Variants in MAGI2 observed in about 807,000 individuals in gnomAD.
MAGI2 encodes the protein membrane associated guanylate kinase, WW and PDZ domain containing 2.
MAGI2 carries 35 observed loss-of-function variants against 133.3 expected under a neutral mutation model. The ratio of observed to expected loss-of-function variants is 0.26; its 90% CI spans 0.20 to 0.35. The LOEUF is 0.35. Among genes scored for constraint, MAGI2 ranks in the 10% least tolerant of loss-of-function variants. The probability of loss-of-function intolerance (pLI) is 1.00; values close to 1 mark genes in which losing one functional copy is unlikely to be tolerated. For synonymous variants in MAGI2, 729 were observed against 710.6 expected, an observed-to-expected ratio of 1.03 and a Z score of -0.41; for missense variants, 1,636 against 1,863.4, an observed-to-expected ratio of 0.88 and a Z score of 2.25.
chr7:78,218,114 GT>G (rs1207623744), intron 10 of MAGI2, among the ~76,000 whole-genome samples: 2 of 152,240 alleles, frequency 1.3e-5, no homozygotes, highest in Non-Finnish European at 2.9e-5. Flanking sequence ...CAACTCTGAA[GT>G]TTTCAAGAAT....
rs12671854 is a variant in MAGI2, at chr7:78,209,029, G to C, written c.2048-7836C>G. ...CGAGGTCAGGAGATCGAGACCATCT[G>C]GGCTAACACGGTGAAACCCTGTCTC... On this transcript the variant is annotated intron_variant, in intron 10 of 21. Transcript: ENST00000354212. 4.7e-5 allele frequency among the ~76,000 whole-genome samples: 7 copies of C among 147,488 alleles called. No homozygotes were observed. The East Asian group carries it at 1.4e-3, about 31-fold the overall frequency.
chr7:78,231,598 T>C (rs932278683), intron 10 of MAGI2, among the ~76,000 whole-genome samples: 4 of 152,234 alleles, frequency 2.6e-5, no homozygotes, highest in Non-Finnish European at 5.9e-5. Context: ...TGGACAAATA[T>C]GGCGACTTCT....
At chr7:79,134,387 C>T (rs1039305611) in intron 1 of MAGI2, among the ~76,000 whole-genome samples, 1 of 152,140 alleles carries the variant, frequency 6.6e-6, no homozygotes, top group Non-Finnish European at 1.5e-5. Context: ...GTTTTTTACT[C>T]CTAAATCTTC....
intron 1 of MAGI2, chr7:79,452,795 A>G: frequency 1.8e-6 from 1 of 559,024 alleles, no homozygotes; most frequent in Admixed American, 3.4e-5. Context: ...GGAGGGTCTA[A>G]CTGAGCAAAC....
rs201366066 is a variant in MAGI2, at chr7:78,863,756, CT to C, written c.418+143333del. ...TTGAGCTGATAAAGGCCAGAGAGTCCTTTTGTGTAAAGCATTCCACTAAGTC... is the reference window on the plus strand; with the variant it reads ...TTGAGCTGATAAAGGCCAGAGAGTCCTTTGTGTAAAGCATTCCACTAAGTC... On this transcript the variant is annotated intron_variant, in intron 2 of 21. Coordinates refer to ENST00000354212, the MANE Select transcript of MAGI2 (RefSeq NM_012301.4). Among the ~76,000 whole-genome samples, 14 of 152,306 alleles carry C rather than the reference CT, an allele frequency of 9.2e-5. No homozygotes were observed. In the East Asian group the frequency reaches 2.7e-3, roughly 29 times the overall value.
chr7:78,343,985 A>T, intron 8 of MAGI2, 25 bp from the exon 9 acceptor site: 1 of 1,594,640 alleles, frequency 6.3e-7, no homozygotes, highest in Non-Finnish European at 8.5e-7. Flanking sequence ...ATAAGTTAAA[A>T]AAGAAAAAGG....
chr7:78,844,776 G>A (rs1378801673), intron 2 of MAGI2, among the ~76,000 whole-genome samples: 1 of 151,644 alleles, frequency 6.6e-6, no homozygotes, highest in African/African-American at 2.4e-5. Flanking sequence ...CCACTGAATT[G>A]CACACTTTTA....
chr7:79,430,150 C>A (rs1003978529), intron 1 of MAGI2, among the ~76,000 whole-genome samples: 8 of 151,936 alleles, frequency 5.3e-5, no homozygotes, highest in African/African-American at 1.9e-4. Flanking sequence ...TAGGAAATAT[C>A]CAGATTTTAT....
chr7:78,279,375 T>C (rs1375260681), intron 9 of MAGI2, among the ~76,000 whole-genome samples: 4 of 152,148 alleles, frequency 2.6e-5, no homozygotes, highest in Non-Finnish European at 5.9e-5. Context: ...TGTAGGTAAG[T>C]TGTGACACAC....
chr7:79,374,882 T>C (rs1187615480), intron 1 of MAGI2, among the ~76,000 whole-genome samples: 1 of 151,936 alleles, frequency 6.6e-6, no homozygotes, highest in Non-Finnish European at 1.5e-5. Context: ...TCTGCCTTTC[T>C]GGTACTCATG....
At chr7:78,499,719 G>C (rs73374294) in intron 5 of MAGI2, among the ~76,000 whole-genome samples, 4,180 of 152,266 alleles carry the variant, frequency 0.027, 139 homozygotes, top group African/African-American at 0.076. Context: ...TTGTCATGCT[G>C]CTTTCCTTTT....
chr7:79,110,269 C>T (rs1438941711), intron 1 of MAGI2, among the ~76,000 whole-genome samples: 1 of 152,110 alleles, frequency 6.6e-6, no homozygotes, highest in African/African-American at 2.4e-5. Context: ...CACACAGAGT[C>T]CCCACTGGTG....
chr7:78,159,245 A>G (rs576573789), intron 16 of MAGI2, among the ~76,000 whole-genome samples: 22 of 152,326 alleles, frequency 1.4e-4, no homozygotes, highest in South Asian at 1.2e-3. Context: ...ATGTGAAGCC[A>G]TTGGGCAGTT....
At chr7:78,280,853 CAAAAAAAAAAAAA>C (rs36097343) in intron 9 of MAGI2, among the ~76,000 whole-genome samples, 1 of 108,070 alleles carries the variant, frequency 9.3e-6, no homozygotes, top group African/African-American at 3.6e-5. Flanking sequence ...GATGGGTATA[CAAAAAAAAAAAAA>C]AAAAAAAAAA....
chr7:78,121,340 T>A (rs1820458661), intron 20 of MAGI2, among the ~76,000 whole-genome samples: 1 of 151,804 alleles, frequency 6.6e-6, no homozygotes, highest in East Asian at 1.9e-4. Context: ...GCATAAGATA[T>A]CTGTATCACA....
intron 1 of MAGI2, among the ~76,000 whole-genome samples, chr7:79,020,253 G>T (rs371001700): frequency 1.3e-5 from 2 of 152,180 alleles, no homozygotes; most frequent in African/African-American, 4.8e-5. Flanking sequence ...GTATCTGGTG[G>T]AAGAAATTTC....
chr7:78,659,769 G>C (rs1812730579), intron 2 of MAGI2, among the ~76,000 whole-genome samples: 1 of 152,114 alleles, frequency 6.6e-6, no homozygotes, highest in Non-Finnish European at 1.5e-5. Flanking sequence ...TGTTTTGCAA[G>C]ATGTTATCTT....
At chr7:79,250,216 C>A (rs1833135865) in intron 1 of MAGI2, among the ~76,000 whole-genome samples, 1 of 152,012 alleles carries the variant, frequency 6.6e-6, no homozygotes, top group Admixed American at 6.6e-5. Flanking sequence ...AAAGCCTTTT[C>A]TCTTCTCTAA....
intron 1 of MAGI2, among the ~76,000 whole-genome samples, chr7:79,309,849 G>A (rs892734697): frequency 6.6e-6 from 1 of 151,518 alleles, no homozygotes; most frequent in East Asian, 1.9e-4. Context: ...ATCTCCATCA[G>A]GTCAGGCGCA....
Sources: gnomAD v4.1 joint callset for allele counts (sites outside exome capture counted in the v4.1 genomes callset) on GRCh38, gnomAD v4.1.1 for gene constraint, MANE v1.5 for transcripts, NCBI Gene and HGNC (gene_info 2026-07-23, HGNC 2026-07-21) for gene names.